The following MIS18A variants were observed in gnomAD, a reference collection of about 807,000 sequenced individuals.
The protein encoded by MIS18A is protein Mis18-alpha.
A neutral mutation model predicts 25.0 loss-of-function variants in MIS18A; 14 were observed. That is an observed-to-expected ratio of 0.56 (90% CI 0.37 to 0.88). MIS18A has a LOEUF of 0.88. MIS18A is among the 40% of genes least tolerant of loss of function. The probability of loss-of-function intolerance (pLI) is 0.00; values close to 1 mark genes in which losing one functional copy is unlikely to be tolerated. For missense variants in MIS18A, 292 were observed against 290.8 expected (o/e 1.00, Z -0.03); for synonymous variants, 134 against 118.6 (o/e 1.13, Z -0.84).
chr21:32,162,519 T>C, the MIS18A span, among the ~76,000 whole-genome samples: 1 of 152,206 alleles, frequency 6.6e-6, no homozygotes, highest in Non-Finnish European at 1.5e-5. Flanking sequence ...CCAAGTGGAC[T>C]TCATCCTCCC....
chr21:32,184,319 C>T, the MIS18A span, among the ~76,000 whole-genome samples: 1 of 152,232 alleles, frequency 6.6e-6, no homozygotes, highest in African/African-American at 2.4e-5. Context: ...ACCAGGATCT[C>T]ACTTCCATAC....
At chr21:32,256,773 T>C in the MIS18A span, among the ~76,000 whole-genome samples, 2 of 152,216 alleles carry the variant, frequency 1.3e-5, no homozygotes, top group Admixed American at 1.3e-4. Context: ...CTTCTTAATC[T>C]GCATGATCAT....
chr21:32,163,133 G>A, the MIS18A span, among the ~76,000 whole-genome samples: 16 of 152,218 alleles, frequency 1.1e-4, no homozygotes, highest in Admixed American at 3.3e-4. Flanking sequence ...ATCCCCTTTC[G>A]CTTTTGCTGT....
At position 32,279,036 on chromosome 21, in the gene MIS18A, C is replaced by T. The variant is rs770256234; in HGVS notation, c.-22G>A. On this transcript the variant is annotated 5_prime_UTR_variant, in exon 1 of 5. An upstream open reading frame in the 5' UTR gains an earlier in-frame stop. Transcript: ENST00000290130. ...CCATTACCTACAAATCGCCCGCGCC[C>T]CAGAGCGCCATGGGAAAAAAAACCG... is the stretch of plus-strand genomic sequence containing the variant. The T allele has an allele frequency of 1.7e-5, 27 of 1,572,350 alleles. No homozygotes were observed. In the South Asian group the frequency reaches 2.8e-4, roughly 16 times the overall value.
chr21:32,164,727 C>T, the MIS18A span, among the ~76,000 whole-genome samples: 6 of 151,704 alleles, frequency 4.0e-5, no homozygotes, highest in Non-Finnish European at 7.4e-5. Flanking sequence ...CTAGGTTCTG[C>T]GGTCATCTGA....
chr21:32,175,884 C>T, the MIS18A span, among the ~76,000 whole-genome samples: 7 of 152,106 alleles, frequency 4.6e-5, no homozygotes, highest in East Asian at 9.6e-4. Flanking sequence ...TATTCTTATT[C>T]CATATGCCTT....
chr21:32,194,664 TA>T, the MIS18A span, among the ~76,000 whole-genome samples: 24 of 145,892 alleles, frequency 1.6e-4, no homozygotes, highest in South Asian at 2.2e-4. Context: ...CGTCTCGAAT[TA>T]AAAAAAAAAA....
the MIS18A span, among the ~76,000 whole-genome samples, chr21:32,222,934 C>CAAAAAAAAAAAA: frequency 1.5e-4 from 10 of 65,848 alleles, no homozygotes; most frequent in Non-Finnish European, 2.0e-4. Context: ...GACTCCGTCT[C>CAAAAAAAAAAAA]AAAAAAAAAA....
the MIS18A span, among the ~76,000 whole-genome samples, chr21:32,247,736 G>A: frequency 2.0e-5 from 3 of 152,168 alleles, no homozygotes; most frequent in South Asian, 2.1e-4. Context: ...GTGGCCACCC[G>A]CAAGCCAAGG....
At chr21:32,172,370 G>A in the MIS18A span, among the ~76,000 whole-genome samples, 1 of 152,060 alleles carries the variant, frequency 6.6e-6, no homozygotes, top group African/African-American at 2.4e-5. Context: ...ATTCACAATA[G>A]CCAAGATATG....
chr21:32,232,045 T>C, the MIS18A span, among the ~76,000 whole-genome samples: 1 of 152,224 alleles, frequency 6.6e-6, no homozygotes, highest in African/African-American at 2.4e-5. Context: ...TGCTGCATTA[T>C]TCACAGTAAC....
chr21:32,253,095 A>G, the MIS18A span, among the ~76,000 whole-genome samples: 1 of 152,148 alleles, frequency 6.6e-6, no homozygotes, highest in Non-Finnish European at 1.5e-5. Flanking sequence ...CACCTGGGCG[A>G]GGACGGAAGG....
chr21:32,203,509 A>G, the MIS18A span, among the ~76,000 whole-genome samples: 6 of 139,820 alleles, frequency 4.3e-5, no homozygotes, highest in Admixed American at 1.5e-4. Context: ...AAAAAAAAAA[A>G]AGGTAGTGTT....
chr21:32,157,630 T>C, the MIS18A span, among the ~76,000 whole-genome samples: 2 of 152,110 alleles, frequency 1.3e-5, no homozygotes, highest in Non-Finnish European at 2.9e-5. Context: ...AGTTACTTGG[T>C]TTTGCCCTTC....
At chr21:32,253,720 A>G in the MIS18A span, among the ~76,000 whole-genome samples, 4 of 152,174 alleles carry the variant, frequency 2.6e-5, no homozygotes, top group African/African-American at 9.6e-5. Flanking sequence ...TTGGGTTGTC[A>G]TAATTCAGAA....
chr21:32,269,798 A>C lies in MIS18A; in HGVS notation c.530T>G (p.Val177Gly), dbSNP rs756318661. 1 of 1,587,266 alleles carries C rather than the reference A, an allele frequency of 6.3e-7. No individual in the cohort carries two copies. The highest frequency in any genetic ancestry group is 8.7e-7 in the Non-Finnish European group (1 of 1,155,596). ...CLSVEAIESY[V>G]LGSSEKQIVS... ...AATTTGCTTTTCAGAGGACCCTAAAACATAACTGAAGTACGGTACAAGGTT... is the reference window on the plus strand; with the variant it reads ...AATTTGCTTTTCAGAGGACCCTAAACCATAACTGAAGTACGGTACAAGGTT... Residue 177 changes from valine to glycine, a missense_variant, in exon 4 of 5, where the codon GTT becomes GGT. Coordinates refer to ENST00000290130, the MANE Select transcript of MIS18A (RefSeq NM_018944.3).
chr21:32,178,607 A>C, the MIS18A span, among the ~76,000 whole-genome samples: 1 of 152,214 alleles, frequency 6.6e-6, no homozygotes, highest in African/African-American at 2.4e-5. Context: ...GTCAGCTATC[A>C]ATCTGTCATC....
At chr21:32,245,206 A>G in the MIS18A span, among the ~76,000 whole-genome samples, 1 of 152,210 alleles carries the variant, frequency 6.6e-6, no homozygotes, top group Non-Finnish European at 1.5e-5. Context: ...AGGACCCTAC[A>G]ATAAATTAAA....
In MIS18A at chr21:32,274,699, T is replaced by C. The variant is rs538467644; in HGVS notation, c.401+131A>G. 4.3e-6 allele frequency: 3 copies of C among 703,638 alleles called. No homozygotes were observed. The South Asian group carries it at 5.7e-5, about 13-fold the overall frequency. 43.6% of individuals were successfully genotyped at this position (703,638 alleles called of 1,614,324 possible). Reference sequence around the variant, plus strand: ...AAAAGCAAAAAAAAGAACTGATATATGCGAACGACTGATTTTTTTACTATC... The same window carrying C: ...AAAAGCAAAAAAAAGAACTGATATACGCGAACGACTGATTTTTTTACTATC... On this transcript the variant is annotated intron_variant, in intron 2 of 4. Transcript: ENST00000290130.
Sources: gnomAD v4.1 joint callset for allele counts (sites outside exome capture counted in the v4.1 genomes callset) on GRCh38, gnomAD v4.1.1 for gene constraint, MANE v1.5 for transcripts, NCBI Gene and HGNC (gene_info 2026-07-23, HGNC 2026-07-21) for gene names.